SLC26A7: variants seen among roughly 807,000 people sequenced by gnomAD.
The protein encoded by SLC26A7 is solute carrier family 26 member 7.
In SLC26A7, 59 loss-of-function variants were observed where a neutral mutation model predicts 82.5. The observed-to-expected ratio is 0.72, with a 90% CI of 0.58 to 0.89. The LOEUF (loss-of-function observed/expected upper bound fraction) is 0.89, where lower values mean the gene tolerates loss of function less well. Among genes scored for constraint, SLC26A7 ranks in the 40% least tolerant of loss-of-function variants. SLC26A7 has a pLI of 0.00. For synonymous variants in SLC26A7, 271 were observed against 274.3 expected, an observed-to-expected ratio of 0.99 and a Z score of 0.12; for missense variants, 820 against 793.0, an observed-to-expected ratio of 1.03 and a Z score of -0.41.
rs192475538 is a variant in SLC26A7 at position 91,225,345 on chromosome 8, G to A, written c.-34+6340G>A. Among the ~76,000 whole-genome samples the A allele has an allele frequency of 7.9e-5, 12 of 152,238 alleles. No homozygotes were observed. The East Asian group carries it at 1.9e-3, about 25-fold the overall frequency. On this transcript the variant is annotated intron_variant, in intron 2 of 5. Transcript: ENST00000522862. ...TCTGATCTGTGGGTTGCACAGTTCC[G>A]TGGAAAAAGCACAGTTTCCCCAGCT...
chr8:91,394,343 T>C (rs959699644), intron 18 of SLC26A7: 32 of 1,583,570 alleles, frequency 2.0e-5, no homozygotes, highest in Non-Finnish European at 2.7e-5. Flanking sequence ...CAGGATCTAC[T>C]GTCCTGGGGA....
rs1390490406 is a variant in SLC26A7, at chr8:91,397,443, T to C, written c.*2346T>C. On this transcript the variant is annotated 3_prime_UTR_variant, in exon 19 of 19. Coordinates refer to ENST00000276609, the MANE Select transcript of SLC26A7 (RefSeq NM_052832.4). ...TATTTTTATGAGATTACCTTATTTT[T>C]ATATATGACAAACTACTTCTATAAT... 1.3e-5 allele frequency: 2 copies of C among 152,570 alleles called. No individual in the cohort carries two copies. Among genetic ancestry groups the C allele is most frequent in the East Asian group, 3.8e-4 (2 of 5,196 alleles). The allele number at this position is 152,570 out of a possible 1,614,324, so 9.5% of individuals were successfully genotyped here. A position where few individuals can be genotyped will look rare whatever the true frequency, so the allele number is the denominator to read the frequency against.
intron 5 of SLC26A7, among the ~76,000 whole-genome samples, chr8:91,329,255 T>C (rs1375166572): frequency 6.6e-6 from 1 of 152,200 alleles, no homozygotes; most frequent in African/African-American, 2.4e-5. Flanking sequence ...CATGTGTGCA[T>C]GTCTATCCTT....
At chr8:91,371,398 C>T (rs1814357296) in intron 15 of SLC26A7, among the ~76,000 whole-genome samples, 1 of 151,752 alleles carries the variant, frequency 6.6e-6, no homozygotes, top group Non-Finnish European at 1.5e-5. Flanking sequence ...TTCCTACCCT[C>T]CCTACTTTTG....
chr8:91,320,009 A>T (rs1042444121), intron 5 of SLC26A7, among the ~76,000 whole-genome samples: 1 of 152,112 alleles, frequency 6.6e-6, no homozygotes, highest in African/African-American at 2.4e-5. Flanking sequence ...TTTTTGAGGG[A>T]AACTGCAAGC....
At chr8:91,329,126 G>A (rs1320234949) in intron 5 of SLC26A7, among the ~76,000 whole-genome samples, 1 of 152,086 alleles carries the variant, frequency 6.6e-6, no homozygotes, top group Non-Finnish European at 1.5e-5. Context: ...TTATCTACTG[G>A]AGCTTAGTGC....
intron 6 of SLC26A7, 24 bp from the exon 7 acceptor site, chr8:91,338,126 C>G: frequency 7.0e-6 from 11 of 1,572,768 alleles, no homozygotes; most frequent in Non-Finnish European, 9.5e-6. Context: ...TATATTTTTT[C>G]TTTTTTCAAA....
upstream of SLC26A7, among the ~76,000 whole-genome samples, chr8:91,244,926 A>G (rs1287717549): frequency 6.6e-6 from 1 of 152,208 alleles, no homozygotes; most frequent in Non-Finnish European, 1.5e-5. Context: ...AAAACACACT[A>G]AAGAAACTAT....
At chr8:91,341,333 C>A (rs1413331214) in intron 8 of SLC26A7, among the ~76,000 whole-genome samples, 1 of 152,110 alleles carries the variant, frequency 6.6e-6, no homozygotes, top group African/African-American at 2.4e-5. Flanking sequence ...TTTTTTATGG[C>A]TGCATAGTAT....
At chr8:91,380,566 C>T (rs979694988) in intron 15 of SLC26A7, among the ~76,000 whole-genome samples, 2 of 152,120 alleles carry the variant, frequency 1.3e-5, no homozygotes, top group Admixed American at 1.3e-4. Flanking sequence ...CATGTAAGTA[C>T]TGAACAGTAA....
chr8:91,369,934 T>C, intron 15 of SLC26A7, 101 bp downstream of exon 15: 1 of 871,634 alleles, frequency 1.1e-6, no homozygotes, highest in Non-Finnish European at 1.8e-6. Context: ...TGCCTCCCTC[T>C]TCTGTTCTTC....
chr8:91,288,170 G>C (rs1811760804), intron 2 of SLC26A7, among the ~76,000 whole-genome samples: 1 of 152,138 alleles, frequency 6.6e-6, no homozygotes, highest in African/African-American at 2.4e-5. Context: ...ATTGATATTA[G>C]AATCAGACAG....
chr8:91,322,284 A>G (rs906547399), intron 5 of SLC26A7, among the ~76,000 whole-genome samples: 3 of 152,188 alleles, frequency 2.0e-5, no homozygotes, highest in Non-Finnish European at 2.9e-5. Context: ...GGTTTTCAAC[A>G]GTTCAACTCA....
chr8:91,286,858 A>G (rs909606779), intron 2 of SLC26A7, among the ~76,000 whole-genome samples: 2 of 152,188 alleles, frequency 1.3e-5, no homozygotes, highest in African/African-American at 4.8e-5. Flanking sequence ...TAATAAATGA[A>G]TCAGAAAAAG....
intron 2 of SLC26A7, among the ~76,000 whole-genome samples, chr8:91,219,447 GA>G (rs1312167524): frequency 6.6e-6 from 1 of 152,030 alleles, no homozygotes; most frequent in Admixed American, 6.6e-5. Flanking sequence ...GACCTTCACA[GA>G]AAAAATGAGT....
At chr8:91,377,137 A>C (rs1378491261) in intron 15 of SLC26A7, among the ~76,000 whole-genome samples, 1 of 152,104 alleles carries the variant, frequency 6.6e-6, no homozygotes, top group Non-Finnish European at 1.5e-5. Context: ...GGGAGGGTTC[A>C]CTTTCAATAG....
chr8:91,301,521 C>T lies in SLC26A7; in HGVS notation c.477+5818C>T, dbSNP rs113934398. 1.5e-3 allele frequency among the ~76,000 whole-genome samples: 232 copies of T among 151,968 alleles called. 2 individuals are homozygous for T. Among genetic ancestry groups the T allele is most frequent in the African/African-American group, 5.5e-3 (229 of 41,528 alleles). On this transcript the variant is annotated intron_variant, in intron 4 of 18. Coordinates refer to ENST00000276609, the MANE Select transcript of SLC26A7 (RefSeq NM_052832.4). ...TTTACATGTAGGTCTTTAAAGTAGT[C>T]TGTTGTAATTTTAAAAAAATTTATT... is the stretch of plus-strand genomic sequence containing the variant.
At chr8:91,283,374 T>G (rs1329348081) in intron 2 of SLC26A7, among the ~76,000 whole-genome samples, 1 of 152,182 alleles carries the variant, frequency 6.6e-6, no homozygotes, top group East Asian at 1.9e-4. Context: ...GCTATTCCTA[T>G]TTTCTAATTG....
At chr8:91,264,262 C>A (rs1250094537) in intron 2 of SLC26A7, among the ~76,000 whole-genome samples, 1 of 152,056 alleles carries the variant, frequency 6.6e-6, no homozygotes, top group African/African-American at 2.4e-5. Context: ...CTCCAACAAG[C>A]TCAAGCAAAC....
Sources: allele counts gnomAD v4.1 joint callset (sites outside exome capture counted in the v4.1 genomes callset), GRCh38; gene constraint gnomAD v4.1.1; transcripts MANE v1.5; gene names NCBI Gene and HGNC (gene_info 2026-07-23, HGNC 2026-07-21).